FHIT: variants seen among roughly 807,000 people sequenced by gnomAD.
FHIT encodes the protein fragile histidine triad diadenosine triphosphatase.
FHIT carries 19 observed loss-of-function variants against 17.9 expected under a neutral mutation model. The observed-to-expected ratio is 1.06, with a 90% CI of 0.74 to 1.56. FHIT has a LOEUF of 1.56. Ranked by LOEUF, FHIT falls within the 40% of genes most tolerant of loss-of-function variation. The pLI is 0.00. For missense variants in FHIT, 248 were observed against 189.2 expected (o/e 1.31, Z -1.82); for synonymous variants, 81 against 69.7 (o/e 1.16, Z -0.81).
rs869130805 is a variant in FHIT at position 60,446,899 on chromosome 3, T to TAAA, written c.103+89958_103+89960dup. On this transcript the variant is annotated intron_variant, in intron 5 of 9. Coordinates refer to ENST00000492590, the MANE Select transcript of FHIT (RefSeq NM_002012.4). ...ATAATAATAATAATAATAATAATAATAAAAAGCCTTCAGGTATAAATCTAC... is the reference window on the plus strand; with the variant it reads ...ATAATAATAATAATAATAATAATAATAAAAAAAAGCCTTCAGGTATAAATCTAC... Among the ~76,000 whole-genome samples the TAAA allele has an allele frequency of 8.9e-4, 127 of 142,744 alleles. 2 individuals carry two copies. In the South Asian group the frequency reaches 9.2e-3, roughly 10 times the overall value. 93.6% of individuals were successfully genotyped at this position (142,744 alleles called of 152,430 possible). A position where few individuals can be genotyped will look rare whatever the true frequency, so the allele number is the denominator to read the frequency against.
At chr3:60,332,158 G>A (rs1387962057) in intron 5 of FHIT, among the ~76,000 whole-genome samples, 2 of 152,174 alleles carry the variant, frequency 1.3e-5, no homozygotes, top group African/African-American at 4.8e-5. Flanking sequence ...AGCTACCCCA[G>A]AAGCAATGTC....
intron 5 of FHIT, among the ~76,000 whole-genome samples, chr3:60,200,903 C>A (rs1040376997): frequency 3.9e-5 from 6 of 152,252 alleles, no homozygotes; most frequent in South Asian, 4.2e-4. Flanking sequence ...AACCACCCAT[C>A]CTTCTGTCCA....
chr3:60,130,765 TTTGTGTGTGTGTGTGTGTG>T (rs1699511950), intron 5 of FHIT, among the ~76,000 whole-genome samples: 1 of 2,650 alleles, frequency 3.8e-4, no homozygotes, highest in African/African-American at 1.6e-3. Context: ...TGTGTGTGTG[TTTGTGTGTGTGTGTGTGTG>T]GTGTGTATAT....
chr3:59,845,559 C>T (rs1449404734), intron 8 of FHIT, among the ~76,000 whole-genome samples: 1 of 152,000 alleles, frequency 6.6e-6, no homozygotes, highest in South Asian at 2.1e-4. Context: ...TTGTGTTATT[C>T]AATTTTCACA....
intron 4 of FHIT, among the ~76,000 whole-genome samples, chr3:60,607,343 G>C (rs2038639846): frequency 6.6e-6 from 1 of 152,062 alleles, no homozygotes. Flanking sequence ...CACTTCCTCG[G>C]TGGGCCTCTT....
intron 8 of FHIT, among the ~76,000 whole-genome samples, chr3:59,806,924 A>C (rs1453010061): frequency 6.6e-6 from 1 of 152,116 alleles, no homozygotes; most frequent in Non-Finnish European, 1.5e-5. Flanking sequence ...CCCCTCTATT[A>C]ATTATTTAGT....
intron 4 of FHIT, among the ~76,000 whole-genome samples, chr3:60,640,068 G>T (rs2039688521): frequency 6.6e-6 from 1 of 152,246 alleles, no homozygotes; most frequent in South Asian, 2.1e-4. Flanking sequence ...AAAAATCCTA[G>T]AAAATGCAAA....
intron 5 of FHIT, among the ~76,000 whole-genome samples, chr3:60,435,910 T>A (rs557476896): frequency 3.3e-5 from 5 of 152,260 alleles, no homozygotes; most frequent in South Asian, 2.1e-4. Flanking sequence ...ACGTATAGTA[T>A]TTGGTTTTCT....
At chr3:60,506,177 G>A (rs569864633) in intron 5 of FHIT, among the ~76,000 whole-genome samples, 21 of 152,230 alleles carry the variant, frequency 1.4e-4, no homozygotes, top group South Asian at 1.0e-3. Context: ...CTTTTTATAT[G>A]GTAGGCACTA....
intron 4 of FHIT, among the ~76,000 whole-genome samples, chr3:60,655,798 A>G (rs1553689417): frequency 6.6e-6 from 1 of 152,188 alleles, no homozygotes; most frequent in Non-Finnish European, 1.5e-5. Flanking sequence ...TTTGATGTTA[A>G]TATCACAGAA....
At chr3:60,534,410 G>C (rs1235652435) in intron 5 of FHIT, among the ~76,000 whole-genome samples, 1 of 120,658 alleles carries the variant, frequency 8.3e-6, no homozygotes, top group Admixed American at 9.7e-5. Flanking sequence ...TCCGCAGTCC[G>C]GCCTGGGCGA....
chr3:59,751,691 T>C (rs1202238739), intron 9 of FHIT: 3 of 229,838 alleles, frequency 1.3e-5, no homozygotes, highest in Admixed American at 1.1e-4. Context: ...CTGAGCTTCC[T>C]AGGAGCCGAA....
intron 5 of FHIT, among the ~76,000 whole-genome samples, chr3:60,463,116 A>G (rs1421315319): frequency 6.6e-6 from 1 of 152,198 alleles, no homozygotes; most frequent in Non-Finnish European, 1.5e-5. Context: ...TACTCTCTTC[A>G]AAATCTTTTC....
chr3:60,688,775 C>A (rs1219137357), intron 4 of FHIT, among the ~76,000 whole-genome samples: 1 of 152,022 alleles, frequency 6.6e-6, no homozygotes, highest in Non-Finnish European at 1.5e-5. Context: ...GGACTTTATA[C>A]TATTTATTTT....
intron 4 of FHIT, among the ~76,000 whole-genome samples, chr3:60,635,907 T>C (rs1577008359): frequency 6.6e-6 from 1 of 152,166 alleles, no homozygotes; most frequent in Non-Finnish European, 1.5e-5. Context: ...TTTAAATACA[T>C]AAATCTATTA....
At chr3:60,861,847 G>A (rs1356321595) in intron 3 of FHIT, among the ~76,000 whole-genome samples, 2 of 151,816 alleles carry the variant, frequency 1.3e-5, no homozygotes, top group Non-Finnish European at 2.9e-5. Flanking sequence ...CTACTAGGGA[G>A]GCTGAGGCAG....
At chr3:60,811,895 C>T (rs575460325) in intron 4 of FHIT, among the ~76,000 whole-genome samples, 52 of 152,152 alleles carry the variant, frequency 3.4e-4, no homozygotes, top group African/African-American at 1.2e-3. Context: ...GTGTGGCATT[C>T]GATACATAGT....
chr3:60,479,373 T>C (rs1287243650), intron 5 of FHIT, among the ~76,000 whole-genome samples: 1 of 152,138 alleles, frequency 6.6e-6, no homozygotes, highest in Non-Finnish European at 1.5e-5. Context: ...GTCATAAATA[T>C]ATACAGTCAT....
intron 8 of FHIT, among the ~76,000 whole-genome samples, chr3:59,855,812 G>GCCCTGTCGCTC: frequency 6.9e-6 from 1 of 145,812 alleles, no homozygotes; most frequent in Admixed American, 6.9e-5. Context: ...ACGGAGTCTT[G>GCCCTGTCGCTC]CCCTGTCGCT....
Sources: allele counts gnomAD v4.1 joint callset (sites outside exome capture counted in the v4.1 genomes callset), GRCh38; gene constraint gnomAD v4.1.1; transcripts MANE v1.5; gene names NCBI Gene and HGNC (gene_info 2026-07-23, HGNC 2026-07-21).